Variants in SRL observed in about 807,000 individuals in gnomAD.
SRL encodes the protein sarcalumenin.
In SRL, 23 loss-of-function variants were observed where a neutral mutation model predicts 39.5. The ratio of observed to expected loss-of-function variants is 0.58; its 90% CI spans 0.42 to 0.82. The LOEUF is 0.82. SRL is among the 40% of genes least tolerant of loss of function. The pLI is 0.00. For missense variants in SRL, 592 were observed against 607.8 expected (o/e 0.97, Z 0.27); for synonymous variants, 272 against 237.4 (o/e 1.15, Z -1.34).
chr16:4,191,587 GC>G lies in SRL; in HGVS notation c.*565del, dbSNP rs1192331590. 1 of 152,940 alleles carries G rather than the reference GC, an allele frequency of 6.5e-6. No homozygotes were observed. The highest frequency in any genetic ancestry group is 1.5e-5 in the Non-Finnish European group (1 of 68,628). The allele number at this position is 152,940 out of a possible 1,614,324, so 9.5% of individuals were successfully genotyped here. On this transcript the variant is annotated 3_prime_UTR_variant, in exon 6 of 6. Coordinates refer to ENST00000399609, the MANE Select transcript of SRL (RefSeq NM_001098814.2). ...GATTGCACCACTGCACTCCAACCTG[GC>G]CGACAGAGCGAGACTCCGTCTCAAA...
chr16:4,199,495 T>C (rs561772964), intron 3 of SRL, among the ~76,000 whole-genome samples: 1 of 148,408 alleles, frequency 6.7e-6, no homozygotes, highest in Non-Finnish European at 1.5e-5. Context: ...CTCAGCCTCC[T>C]GAGTAGCTGA....
chr16:4,204,419 G>T, intron 2 of SRL, 114 bp downstream of exon 2: 2 of 943,932 alleles, frequency 2.1e-6, no homozygotes, highest in Non-Finnish European at 1.7e-6. Context: ...ATACAGCCCC[G>T]GCCTCCAAGA....
At position 4,192,283 on chromosome 16, in the gene SRL, A is replaced by G. The variant is rs765196291; in HGVS notation, c.1292T>C (p.Ile431Thr). Residue 431 changes from isoleucine to threonine, a missense_variant, in exon 6 of 6, where the codon ATT (isoleucine) becomes ACT (threonine). Coordinates refer to ENST00000399609, the MANE Select transcript of SRL (RefSeq NM_001098814.2). The surrounding 1 kb of genome is among the most constrained non-coding windows in gnomAD (Gnocchi z 4.0). ...AAGCTCCTGAGTGATGGCCCGCTCA[A>G]TCTTCTCCAGAAAGCAACCTCCCAT... ...SYMGGCFLEKIERAITQELPG... is the reference protein window; with the variant it reads ...SYMGGCFLEKTERAITQELPG... 51 of 1,614,044 alleles carry G rather than the reference A, an allele frequency of 3.2e-5. No individual in the cohort carries two copies. Among genetic ancestry groups the G allele is most frequent in the Non-Finnish European group, 3.9e-5 (46 of 1,180,020 alleles).
intron 3 of SRL, 100 bp from the exon 4 acceptor site, chr16:4,198,015 G>C: frequency 1.2e-6 from 1 of 816,312 alleles, no homozygotes; most frequent in Non-Finnish European, 2.1e-6. Context: ...ATCCAACTGA[G>C]TTGTGGAATT....
At chr16:4,204,256 G>A (rs1030098550) in intron 2 of SRL, among the ~76,000 whole-genome samples, 5 of 152,154 alleles carry the variant, frequency 3.3e-5, no homozygotes, top group African/African-American at 7.2e-5. Context: ...CACTGGCTTC[G>A]CCCACACCAG....
chr16:4,220,160 G>A (rs1004633967), intron 1 of SRL, among the ~76,000 whole-genome samples: 2 of 152,026 alleles, frequency 1.3e-5, no homozygotes, highest in African/African-American at 2.4e-5. Flanking sequence ...GAAATCTCAC[G>A]TCTAGGCCAG....
chr16:4,223,943 C>T (rs1046148337), intron 1 of SRL, among the ~76,000 whole-genome samples: 1 of 152,158 alleles, frequency 6.6e-6, no homozygotes, highest in African/African-American at 2.4e-5. Context: ...CTAGGCCCAT[C>T]ATGGGTGGGG....
intron 1 of SRL, among the ~76,000 whole-genome samples, chr16:4,206,417 T>G: frequency 6.6e-6 from 1 of 151,756 alleles, no homozygotes; most frequent in Non-Finnish European, 1.5e-5. Context: ...GCACCAATCA[T>G]TCCATTAGCT....
At chr16:4,233,608 A>C (rs556363009) in intron 1 of SRL, among the ~76,000 whole-genome samples, 41 of 152,002 alleles carry the variant, frequency 2.7e-4, no homozygotes, top group Admixed American at 2.6e-4. Context: ...CATCTCCCCA[A>C]ATAGAAGGTC....
intron 1 of SRL, among the ~76,000 whole-genome samples, chr16:4,219,749 C>T (rs917819131): frequency 6.6e-6 from 1 of 152,274 alleles, no homozygotes; most frequent in Admixed American, 6.5e-5. Flanking sequence ...GTGTGAGCCA[C>T]CACGCCTGGC....
At chr16:4,193,491 A>G (rs1258585250) in intron 5 of SRL, among the ~76,000 whole-genome samples, 2 of 152,240 alleles carry the variant, frequency 1.3e-5, no homozygotes, top group East Asian at 3.8e-4. Flanking sequence ...GAATGAATGC[A>G]TTATTTACGG....
At chr16:4,212,698 A>G (rs1156263024) in intron 1 of SRL, among the ~76,000 whole-genome samples, 1 of 151,870 alleles carries the variant, frequency 6.6e-6, no homozygotes, top group African/African-American at 2.4e-5. Context: ...GCAGGCCCCA[A>G]CTCTGCCCAG....
At chr16:4,238,097 C>T (rs2052732090) in intron 1 of SRL, among the ~76,000 whole-genome samples, 1 of 152,286 alleles carries the variant, frequency 6.6e-6, no homozygotes, top group Admixed American at 6.5e-5. Context: ...TGATGGAACA[C>T]GTTGAGGTGT....
chr16:4,241,110 C>G (rs1044126837), intron 1 of SRL, among the ~76,000 whole-genome samples: 1 of 152,148 alleles, frequency 6.6e-6, no homozygotes, highest in African/African-American at 2.4e-5. Flanking sequence ...AGGCTCAGAG[C>G]CCAGCTTGGG....
At chr16:4,234,936 T>C (rs2052699855) in intron 1 of SRL, among the ~76,000 whole-genome samples, 1 of 152,210 alleles carries the variant, frequency 6.6e-6, no homozygotes, top group Non-Finnish European at 1.5e-5. Flanking sequence ...TAGAGATATC[T>C]TCCTTGAGCT....
intron 1 of SRL, among the ~76,000 whole-genome samples, chr16:4,218,738 C>T (rs984199262): frequency 1.3e-5 from 2 of 152,254 alleles, no homozygotes; most frequent in Non-Finnish European, 2.9e-5. Flanking sequence ...CCAACCTGCT[C>T]AGCCGGGGAG....
At chr16:4,229,962 G>A (rs2052640987) in intron 1 of SRL, among the ~76,000 whole-genome samples, 1 of 152,062 alleles carries the variant, frequency 6.6e-6, no homozygotes, top group African/African-American at 2.4e-5. Flanking sequence ...CTGGTCCTGG[G>A]CTTCCAGCTT....
intron 3 of SRL, among the ~76,000 whole-genome samples, 183 bp downstream of exon 3, chr16:4,202,983 T>C (rs1289961828): frequency 6.6e-6 from 1 of 152,164 alleles, no homozygotes; most frequent in Non-Finnish European, 1.5e-5. Flanking sequence ...GATGGAGGTG[T>C]CGTCCTTTCC....
At chr16:4,208,056 A>G (rs556956700) in intron 1 of SRL, 3 of 456,148 alleles carry the variant, frequency 6.6e-6, no homozygotes, top group South Asian at 4.7e-5. Context: ...ATGATTCTCC[A>G]ACAAATTGCC....
Sources: gnomAD v4.1 joint callset for allele counts (sites outside exome capture counted in the v4.1 genomes callset) on GRCh38, gnomAD v4.1.1 for gene constraint, Gnocchi (gnomAD v3.1) non-coding constraint, MANE v1.5 for transcripts, NCBI Gene and HGNC (gene_info 2026-07-23, HGNC 2026-07-21) for gene names.